The following OPCML variants were observed in gnomAD, a reference collection of about 807,000 sequenced individuals.
OPCML encodes opioid binding protein/cell adhesion molecule like.
OPCML carries 13 observed loss-of-function variants against 37.8 expected under a neutral mutation model. The observed-to-expected ratio is 0.34, with a 90% CI of 0.22 to 0.55. The LOEUF is 0.55. Ranked by LOEUF, OPCML falls within the 20% of genes least tolerant of loss-of-function variation. The pLI is 0.91. For synonymous variants in OPCML, 176 were observed against 168.8 expected (o/e 1.04, Z -0.33); for missense variants, 341 against 435.6 (o/e 0.78, Z 1.93).
intron 1 of OPCML, among the ~76,000 whole-genome samples, chr11:133,391,243 C>T (rs538965874): frequency 6.6e-6 from 1 of 152,278 alleles, no homozygotes; most frequent in Admixed American, 6.5e-5. Context: ...GAGATGTGCC[C>T]TTGAAGACAC....
intron 1 of OPCML, among the ~76,000 whole-genome samples, chr11:133,353,726 A>G (rs981427249): frequency 1.3e-5 from 2 of 152,142 alleles, no homozygotes; most frequent in African/African-American, 4.8e-5. Context: ...CTCTGCCACC[A>G]TGCCAGATTC....
At chr11:132,645,540 T>G (rs1364778752) in intron 3 of OPCML, among the ~76,000 whole-genome samples, 1 of 152,192 alleles carries the variant, frequency 6.6e-6, no homozygotes, top group Non-Finnish European at 1.5e-5. Context: ...TGTGAAAAAT[T>G]ATGGAGCCAC....
At position 133,283,406 on chromosome 11, in the gene OPCML, C is replaced by A. The variant is rs531942910; in HGVS notation, c.61+248858G>T. Among the ~76,000 whole-genome samples the A allele has an allele frequency of 1.2e-4, 18 of 151,532 alleles. No individual in the cohort carries two copies. The South Asian group carries it at 3.8e-3, about 32-fold the overall frequency. ...GTTCCTACTCTTGCCATGTGACACG[C>A]CTGCCCCCACCCCACCCCACACTGC... On this transcript the variant is annotated intron_variant, in intron 1 of 7. Coordinates refer to ENST00000524381, the MANE Select transcript of OPCML (RefSeq NM_001012393.5).
At chr11:133,176,127 A>G (rs534996406) in intron 1 of OPCML, among the ~76,000 whole-genome samples, 16 of 152,304 alleles carry the variant, frequency 1.1e-4, no homozygotes, top group African/African-American at 3.6e-4. Flanking sequence ...AGGCTGGGTA[A>G]ACACTGAGTT....
intron 1 of OPCML, among the ~76,000 whole-genome samples, chr11:133,176,304 G>C (rs1950371970): frequency 1.3e-5 from 2 of 150,502 alleles, no homozygotes; most frequent in Non-Finnish European, 2.9e-5. Context: ...GGCTGCATCA[G>C]GAAAAGAGAG....
At chr11:133,125,222 C>G (rs777383800) in intron 1 of OPCML, among the ~76,000 whole-genome samples, 1 of 152,130 alleles carries the variant, frequency 6.6e-6, no homozygotes, top group African/African-American at 2.4e-5. Flanking sequence ...ATTATATAGA[C>G]TTGCATCCAT....
At chr11:133,312,681 A>G (rs920670189) in intron 1 of OPCML, among the ~76,000 whole-genome samples, 1 of 152,218 alleles carries the variant, frequency 6.6e-6, no homozygotes, top group African/African-American at 2.4e-5. Context: ...CCCAAGCTTT[A>G]CTTTCCCTTC....
chr11:133,312,194 ATATGT>A (rs1371426589), intron 1 of OPCML, among the ~76,000 whole-genome samples: 1 of 152,202 alleles, frequency 6.6e-6, no homozygotes, highest in Non-Finnish European at 1.5e-5. Context: ...TTCTCTCCAA[ATATGT>A]TATGACAAAT....
chr11:133,173,182 G>A lies in OPCML; in HGVS notation c.62-230172C>T, dbSNP rs1302937612. Among the ~76,000 whole-genome samples the A allele has an allele frequency of 6.6e-6, 1 of 152,190 alleles. No homozygotes were observed. Among genetic ancestry groups the A allele is most frequent in the Non-Finnish European group, 1.5e-5 (1 of 68,036 alleles). ...TTACATGTGAGGGAATATTTCATAT[G>A]AATTCCTAAGAAAATGTCTTCCATG... On this transcript the variant is annotated intron_variant, in intron 1 of 7. Transcript: ENST00000524381. The surrounding 1 kb of genome is among the most constrained non-coding windows in gnomAD (Gnocchi z 7.8).
chr11:133,201,338 T>C (rs540020167), intron 1 of OPCML, among the ~76,000 whole-genome samples: 2 of 150,948 alleles, frequency 1.3e-5, no homozygotes, highest in Admixed American at 6.6e-5. Flanking sequence ...TTGGATTCCA[T>C]AGCATGGAAG....
chr11:132,522,479 C>A (rs1386919692), intron 4 of OPCML, among the ~76,000 whole-genome samples: 1 of 152,208 alleles, frequency 6.6e-6, no homozygotes, highest in Non-Finnish European at 1.5e-5. Flanking sequence ...ACCATCATAA[C>A]AAGTACCCAG....
rs114539576 is a variant in OPCML, at chr11:132,556,650, A to G, written c.380-27464T>C. ...TGCAAACAGACTTGAAGTTCACAGC[A>G]TACGTTTCCCACTGCATTAAGAGGA... On this transcript the variant is annotated intron_variant, in intron 3 of 7. Coordinates refer to ENST00000524381, the MANE Select transcript of OPCML (RefSeq NM_001012393.5). 6.9e-3 allele frequency among the ~76,000 whole-genome samples: 1,057 copies of G among 152,278 alleles called. 12 individuals carry two copies. The highest frequency in any genetic ancestry group is 0.024 in the African/African-American group (977 of 41,552).
At chr11:132,615,893 GA>G (rs956899778) in intron 3 of OPCML, among the ~76,000 whole-genome samples, 3 of 152,106 alleles carry the variant, frequency 2.0e-5, no homozygotes, top group Non-Finnish European at 4.4e-5. Context: ...AACCAAGAGG[GA>G]AAAAAAGGCA....
chr11:133,004,884 G>A, intron 1 of OPCML: 1 of 985,288 alleles, frequency 1.0e-6, no homozygotes, highest in Non-Finnish European at 1.2e-6. Flanking sequence ...TGGTGTCTAG[G>A]TCCACTGTAT....
intron 1 of OPCML, among the ~76,000 whole-genome samples, chr11:132,999,280 C>T (rs1946947639): frequency 6.6e-6 from 1 of 152,004 alleles, no homozygotes; most frequent in South Asian, 2.1e-4. Context: ...CCCCCTCTCG[C>T]CCCAGCCCCC....
chr11:132,714,738 A>G (rs529265993), intron 2 of OPCML, among the ~76,000 whole-genome samples: 8 of 152,288 alleles, frequency 5.3e-5, no homozygotes, highest in Admixed American at 3.3e-4. Flanking sequence ...GGCCTGAAAT[A>G]CATATCTTTT....
intron 1 of OPCML, among the ~76,000 whole-genome samples, chr11:133,405,074 C>G (rs919367987): frequency 6.6e-6 from 1 of 152,152 alleles, no homozygotes; most frequent in Non-Finnish European, 1.5e-5. Flanking sequence ...ACAGTTCTCC[C>G]TATACATAGG....
At chr11:133,028,524 C>CGTGTGT (rs10541354) in intron 1 of OPCML, among the ~76,000 whole-genome samples, 1 of 147,136 alleles carries the variant, frequency 6.8e-6, no homozygotes, top group East Asian at 2.0e-4. Context: ...TGATAAGGAG[C>CGTGTGT]GTGTGTGTGT....
intron 1 of OPCML, among the ~76,000 whole-genome samples, chr11:133,356,270 C>T (rs867978250): frequency 3.9e-5 from 6 of 152,080 alleles, no homozygotes; most frequent in Admixed American, 2.6e-4. Context: ...AACTAACATC[C>T]GATTATAGGT....
Sources: allele counts gnomAD v4.1 joint callset (sites outside exome capture counted in the v4.1 genomes callset), GRCh38; gene constraint gnomAD v4.1.1; non-coding constraint Gnocchi (gnomAD v3.1); transcripts MANE v1.5; gene names NCBI Gene and HGNC (gene_info 2026-07-23, HGNC 2026-07-21).